Variants in SPECC1L observed in about 807,000 individuals in gnomAD.
The protein encoded by SPECC1L is cytospin-A.
In SPECC1L, 40 loss-of-function variants were observed where a neutral mutation model predicts 116.8. The ratio of observed to expected loss-of-function variants is 0.34; its 90% CI spans 0.27 to 0.45. The LOEUF is 0.45. Among genes scored for constraint, SPECC1L ranks in the 20% least tolerant of loss-of-function variants. The pLI is 1.00. For missense variants in SPECC1L, 1,110 were observed against 1,373.6 expected (o/e 0.81, Z 3.03); for synonymous variants, 504 against 500.6 (o/e 1.01, Z -0.09).
chr22:24,409,708 T>TTAAAA (rs2042655827), intron 14 of SPECC1L, among the ~76,000 whole-genome samples: 1 of 152,148 alleles, frequency 6.6e-6, no homozygotes, highest in Non-Finnish European at 1.5e-5. Flanking sequence ...TACAAATACT[T>TTAAAA]TAAAATATGG....
At chr22:24,319,590 T>C (rs933060816) in intron 4 of SPECC1L, among the ~76,000 whole-genome samples, 1 of 152,240 alleles carries the variant, frequency 6.6e-6, no homozygotes, top group Non-Finnish European at 1.5e-5. Flanking sequence ...ATTGACTTAG[T>C]GTGACTCACT....
In SPECC1L at chr22:24,321,899, G is replaced by A; in HGVS notation, c.919G>A (p.Gly307Arg). The change falls in exon 5 of 17, where the codon GGA becomes AGA. Residue 307 changes from glycine (G) to arginine (R), a missense_variant. Coordinates refer to ENST00000314328, the MANE Select transcript of SPECC1L (RefSeq NM_015330.6). Reference protein sequence around the residue: ...EITPGNQSDGGGTLTSSVEGS... With the variant: ...EITPGNQSDGRGTLTSSVEGS... ...CACCCCTGGTAACCAGAGCGATGGAGGAGGAACTCTGACTTCTTCAGTGGA... is the reference window on the plus strand; with the variant it reads ...CACCCCTGGTAACCAGAGCGATGGAAGAGGAACTCTGACTTCTTCAGTGGA... The A allele has an allele frequency of 6.2e-7, 1 of 1,614,242 alleles. No homozygotes were observed. Among genetic ancestry groups the A allele is most frequent in the South Asian group, 1.1e-5 (1 of 91,082 alleles).
intron 14 of SPECC1L, among the ~76,000 whole-genome samples, chr22:24,394,460 C>T (rs2042328602): frequency 6.6e-6 from 1 of 152,220 alleles, no homozygotes; most frequent in East Asian, 1.9e-4. Context: ...CCCCACCTCC[C>T]TATATTATCA....
At chr22:24,390,938 C>T (rs1477440554) in intron 14 of SPECC1L, among the ~76,000 whole-genome samples, 5 of 125,492 alleles carry the variant, frequency 4.0e-5, no homozygotes, top group Non-Finnish European at 6.3e-5. Context: ...TGAAGTGGAG[C>T]GATCTCGGCT....
intron 11 of SPECC1L, among the ~76,000 whole-genome samples, chr22:24,363,027 G>C (rs1158291287): frequency 6.6e-6 from 1 of 152,190 alleles, no homozygotes; most frequent in Non-Finnish European, 1.5e-5. Context: ...GTATTCGTCT[G>C]TGTGGGGCGT....
At chr22:24,372,729 C>T (rs2041896046) in intron 14 of SPECC1L, among the ~76,000 whole-genome samples, 1 of 151,120 alleles carries the variant, frequency 6.6e-6, no homozygotes, top group African/African-American at 2.4e-5. Flanking sequence ...CAGGGATGCC[C>T]TCTCTCACCA....
At chr22:24,331,420 G>A (rs1225392253) in intron 8 of SPECC1L, among the ~76,000 whole-genome samples, 1 of 152,186 alleles carries the variant, frequency 6.6e-6, no homozygotes, top group African/African-American at 2.4e-5. Context: ...TATAAAACAT[G>A]TATTACATTA....
At chr22:24,382,447 G>A (rs892425047) in intron 14 of SPECC1L, among the ~76,000 whole-genome samples, 2 of 152,140 alleles carry the variant, frequency 1.3e-5, no homozygotes, top group African/African-American at 2.4e-5. Context: ...GCTCCCGCCT[G>A]TAATCCCAGC....
intron 3 of SPECC1L, among the ~76,000 whole-genome samples, chr22:24,310,358 A>G (rs1412030960): frequency 6.6e-6 from 1 of 152,256 alleles, no homozygotes; most frequent in East Asian, 1.9e-4. Flanking sequence ...TTGGAGGTGT[A>G]TCTTCAGGTT....
At chr22:24,302,765 GA>G (rs2049406778) in intron 3 of SPECC1L, among the ~76,000 whole-genome samples, 1 of 152,166 alleles carries the variant, frequency 6.6e-6, no homozygotes, top group East Asian at 1.9e-4. Context: ...AAAGCATTGT[GA>G]ACAGTTTCAG....
chr22:24,347,736 C>A lies in SPECC1L; in HGVS notation c.2743+560C>A, dbSNP rs573091086. 3.8e-4 allele frequency among the ~76,000 whole-genome samples: 58 copies of A among 152,082 alleles called. 3 individuals carry two copies. The South Asian group carries it at 0.012, about 31-fold the overall frequency. Reference sequence around the variant, plus strand: ...TGTCTCCCAGGCTGGAGTGTAGTGGCACAATCTTGGCTCACTGCAACCTCT... The same window carrying A: ...TGTCTCCCAGGCTGGAGTGTAGTGGAACAATCTTGGCTCACTGCAACCTCT... On this transcript the variant is annotated intron_variant, in intron 11 of 16. Transcript: ENST00000314328.
chr22:24,348,301 C>T (rs1212420734), intron 11 of SPECC1L, among the ~76,000 whole-genome samples: 5 of 152,136 alleles, frequency 3.3e-5, no homozygotes, highest in African/African-American at 7.2e-5. Flanking sequence ...GGTTTTGGGT[C>T]AGAAGTAAGC....
intron 2 of SPECC1L, 25 bp from the exon 3 acceptor site, chr22:24,302,170 G>A (rs1022457045): frequency 6.4e-7 from 1 of 1,562,902 alleles, no homozygotes; most frequent in Non-Finnish European, 8.8e-7. Flanking sequence ...TATGTTCTCA[G>A]TGTAATGCCA....
chr22:24,346,523 T>C (rs1251737124), intron 10 of SPECC1L, among the ~76,000 whole-genome samples: 1 of 152,224 alleles, frequency 6.6e-6, no homozygotes, highest in Non-Finnish European at 1.5e-5. Context: ...GAACATGTTT[T>C]TGTATTTACT....
intron 15 of SPECC1L, chr22:24,412,105 G>C (rs899128296): frequency 1.4e-5 from 5 of 368,350 alleles, no homozygotes; most frequent in Admixed American, 3.8e-5. Context: ...CTGCACTGTG[G>C]GCCTTAGAAC....
intron 10 of SPECC1L, among the ~76,000 whole-genome samples, chr22:24,340,011 C>G (rs2146536921): frequency 6.6e-6 from 1 of 152,214 alleles, no homozygotes; most frequent in South Asian, 2.1e-4. Context: ...TCTTGAGCTC[C>G]TGAGCTCAGG....
intron 3 of SPECC1L, among the ~76,000 whole-genome samples, chr22:24,306,950 A>G (rs1184485729): frequency 2.0e-5 from 3 of 152,202 alleles, no homozygotes; most frequent in Non-Finnish European, 2.9e-5. Flanking sequence ...CATGTCCTCA[A>G]GGTTCATCCA....
intron 2 of SPECC1L, among the ~76,000 whole-genome samples, chr22:24,283,169 C>T (rs1329658498): frequency 2.6e-5 from 4 of 152,064 alleles, no homozygotes; most frequent in Non-Finnish European, 1.5e-5. Context: ...AGCTCCTCTT[C>T]CTGGGTTCAC....
chr22:24,285,705 G>A (rs1040297717), intron 2 of SPECC1L, among the ~76,000 whole-genome samples: 4 of 151,594 alleles, frequency 2.6e-5, no homozygotes, highest in South Asian at 4.2e-4. Context: ...GTGCAGTGTC[G>A]CGGTCTCAGC....
Sources: allele counts gnomAD v4.1 joint callset (sites outside exome capture counted in the v4.1 genomes callset), GRCh38; gene constraint gnomAD v4.1.1; transcripts MANE v1.5; gene names NCBI Gene and HGNC (gene_info 2026-07-23, HGNC 2026-07-21).